The following MGAT4A variants were observed in gnomAD, a reference collection of about 807,000 sequenced individuals.
MGAT4A encodes N-acetylglucosaminyltransferase IVa.
In MGAT4A, 33 loss-of-function variants were observed where a neutral mutation model predicts 74.1. That is an observed-to-expected ratio of 0.45 (90% CI 0.34 to 0.60). The LOEUF is 0.60. Among genes scored for constraint, MGAT4A ranks in the 20% least tolerant of loss-of-function variants. The pLI is 0.02. For synonymous variants in MGAT4A, 198 were observed against 210.4 expected, an observed-to-expected ratio of 0.94 and a Z score of 0.51; for missense variants, 479 against 628.3, an observed-to-expected ratio of 0.76 and a Z score of 2.54.
intron 2 of MGAT4A, chr2:98,694,884 C>G (rs1287898990): frequency 6.5e-6 from 1 of 153,838 alleles, no homozygotes; most frequent in East Asian, 1.9e-4. Flanking sequence ...TTCCCAGGAG[C>G]TTACCAAGAC....
intron 5 of MGAT4A, among the ~76,000 whole-genome samples, chr2:98,662,830 C>T (rs1701771033): frequency 6.6e-6 from 1 of 152,190 alleles, no homozygotes. Flanking sequence ...ACGGGTGTAA[C>T]ATCCTATTGA....
At position 98,621,420 on chromosome 2, in the gene MGAT4A, C is replaced by T. The variant is rs1395398211; in HGVS notation, c.*4146G>A. The T allele has an allele frequency of 6.4e-7, 1 of 1,551,240 alleles. No individual in the cohort carries two copies. Among genetic ancestry groups the T allele is most frequent in the Non-Finnish European group, 8.7e-7 (1 of 1,146,760 alleles). ...GCCATGTGCATTCCTTCTCATGCAG[C>T]CCCCTCTACCTTAAAACAGCAATGG... On this transcript the variant is annotated 3_prime_UTR_variant, in exon 16 of 16. Coordinates refer to ENST00000393487, the MANE Select transcript of MGAT4A (RefSeq NM_012214.3).
intron 2 of MGAT4A, among the ~76,000 whole-genome samples, chr2:98,704,625 A>G (rs1702398167): frequency 6.6e-6 from 1 of 151,846 alleles, no homozygotes; most frequent in Admixed American, 6.6e-5. Context: ...AAAATTAGCC[A>G]GGCATGGTGG....
chr2:98,707,510 C>A (rs962999829), intron 2 of MGAT4A, among the ~76,000 whole-genome samples: 5 of 152,168 alleles, frequency 3.3e-5, no homozygotes, highest in African/African-American at 7.2e-5. Flanking sequence ...CCTTTAATAA[C>A]AATCATAATG....
chr2:98,687,166 C>T (rs1012941253), intron 2 of MGAT4A, among the ~76,000 whole-genome samples: 4 of 152,110 alleles, frequency 2.6e-5, no homozygotes, highest in African/African-American at 7.2e-5. Flanking sequence ...AAATTAAGAA[C>T]ATTTTGTATT....
chr2:98,649,253 G>A (rs1207887256), intron 8 of MGAT4A, among the ~76,000 whole-genome samples: 2 of 152,158 alleles, frequency 1.3e-5, no homozygotes, highest in African/African-American at 4.8e-5. Context: ...CATACAGCAT[G>A]ATCCTCTACT....
chr2:98,724,410 C>G (rs922528430), intron 2 of MGAT4A, among the ~76,000 whole-genome samples: 1 of 152,110 alleles, frequency 6.6e-6, no homozygotes, highest in Non-Finnish European at 1.5e-5. Flanking sequence ...GCTACAGAAA[C>G]GATAACATTT....
intron 2 of MGAT4A, among the ~76,000 whole-genome samples, chr2:98,724,609 A>G (rs972552356): frequency 5.3e-5 from 8 of 152,144 alleles, no homozygotes; most frequent in Non-Finnish European, 1.0e-4. Flanking sequence ...AAGAATCTTT[A>G]TTTTTTTAAT....
At position 98,623,398 on chromosome 2, in the gene MGAT4A, T is replaced by C; in HGVS notation, c.*2168A>G. 1 of 985,452 alleles carries C rather than the reference T, an allele frequency of 1.0e-6. No homozygotes were observed. The highest frequency in any genetic ancestry group is 1.2e-6 in the Non-Finnish European group (1 of 829,946). The allele number at this position is 985,452 out of a possible 1,614,324, so 61.0% of individuals were successfully genotyped here. A position where few individuals can be genotyped will look rare whatever the true frequency, so the allele number is the denominator to read the frequency against. On this transcript the variant is annotated 3_prime_UTR_variant, in exon 16 of 16. Coordinates refer to ENST00000393487, the MANE Select transcript of MGAT4A (RefSeq NM_012214.3). ...TCTTCATGAAACCAGAGTTGGCAAC[T>C]GAGGAACCAGGGACCCAAGAGTACT...
intron 2 of MGAT4A, among the ~76,000 whole-genome samples, chr2:98,678,977 A>G (rs527424538): frequency 2.0e-4 from 31 of 152,286 alleles, no homozygotes; most frequent in African/African-American, 7.2e-4. Context: ...GTCCTCAAAG[A>G]TTTCCCTAGG....
Position 98,623,708 on chromosome 2 carries a change from A to G in MGAT4A, c.*1858T>C. On this transcript the variant is annotated 3_prime_UTR_variant, in exon 16 of 16. Transcript: ENST00000393487. ...TTTCAATCAAGAAAAGTAACTAAAA[A>G]TTATAACAACATGGAGTGATGGAAA... 3 of 985,468 alleles carry G rather than the reference A, an allele frequency of 3.0e-6. No individual in the cohort carries two copies. Among genetic ancestry groups the G allele is most frequent in the Non-Finnish European group, 3.6e-6 (3 of 829,938 alleles). The allele number at this position is 985,468 out of a possible 1,614,324, so 61.0% of individuals were successfully genotyped here. A position where few individuals can be genotyped will look rare whatever the true frequency, so the allele number is the denominator to read the frequency against.
At chr2:98,725,014 G>A (rs972486899) in intron 2 of MGAT4A, among the ~76,000 whole-genome samples, 2 of 152,214 alleles carry the variant, frequency 1.3e-5, no homozygotes, top group African/African-American at 2.4e-5. Flanking sequence ...GGCAGAGGTT[G>A]CAGTGAGCCG....
chr2:98,637,250 C>A (rs542227573), intron 12 of MGAT4A, among the ~76,000 whole-genome samples: 168 of 152,100 alleles, frequency 1.1e-3, no homozygotes, highest in African/African-American at 3.9e-3. Flanking sequence ...TGGAAGGTCT[C>A]ATCTACAGTG....
At position 98,663,139 on chromosome 2, in the gene MGAT4A, A is replaced by C. The variant is rs1701776089; in HGVS notation, c.444T>G (p.Val148=). The C allele has an allele frequency of 1.9e-6, 3 of 1,603,624 alleles. No homozygotes were observed. ...VMGIPTVKRE[V]KSYLIETLHS... ...GAAGAGTTTCTATGAGGTAAGATTT[A>C]ACTTCTCTCTTCACTGTGGGAATGC... The change falls in exon 5 of 16, where the codon GTT becomes GTG. Residue 148 remains valine, a synonymous_variant. Coordinates refer to ENST00000393487, the MANE Select transcript of MGAT4A (RefSeq NM_012214.3).
intron 6 of MGAT4A, 60 bp downstream of exon 6, chr2:98,658,158 G>T: frequency 9.2e-7 from 1 of 1,092,644 alleles, no homozygotes. Context: ...CTTTTAGCAA[G>T]AAACCCAAGA....
intron 2 of MGAT4A, among the ~76,000 whole-genome samples, chr2:98,718,394 T>C (rs1470716635): frequency 6.6e-6 from 1 of 152,258 alleles, no homozygotes; most frequent in Non-Finnish European, 1.5e-5. Flanking sequence ...TGAAAATTAT[T>C]GTTTTAAAAA....
chr2:98,677,007 G>A (rs1194184760), intron 3 of MGAT4A, among the ~76,000 whole-genome samples: 1 of 152,184 alleles, frequency 6.6e-6, no homozygotes, highest in Non-Finnish European at 1.5e-5. Context: ...AGTGGATCTG[G>A]AGATGAGAGG....
intron 12 of MGAT4A, among the ~76,000 whole-genome samples, chr2:98,637,061 G>A (rs1701332435): frequency 6.6e-6 from 1 of 152,168 alleles, no homozygotes; most frequent in Admixed American, 6.5e-5. Flanking sequence ...TGTACTCCCA[G>A]CACTTTGGGA....
chr2:98,652,456 T>A (rs929929886), intron 8 of MGAT4A, among the ~76,000 whole-genome samples: 1 of 150,704 alleles, frequency 6.6e-6, no homozygotes, highest in African/African-American at 2.4e-5. Flanking sequence ...TCAGCCTCCC[T>A]AGTAGCTGGG....
Sources: gnomAD v4.1 joint callset for allele counts (sites outside exome capture counted in the v4.1 genomes callset) on GRCh38, gnomAD v4.1.1 for gene constraint, MANE v1.5 for transcripts, NCBI Gene and HGNC (gene_info 2026-07-23, HGNC 2026-07-21) for gene names.